XRCC4: variants seen among roughly 807,000 people sequenced by gnomAD.
XRCC4 encodes the protein X-ray repair cross complementing 4, also known as DNA repair protein XRCC4.
XRCC4 carries 28 observed loss-of-function variants against 39.1 expected under a neutral mutation model. That is an observed-to-expected ratio of 0.72 (90% CI 0.53 to 0.98). XRCC4 has a LOEUF of 0.98. Ranked by LOEUF, XRCC4 falls within the 50% of genes least tolerant of loss-of-function variation. The pLI is 0.00. For missense variants in XRCC4, 350 were observed against 376.4 expected (o/e 0.93, Z 0.58); for synonymous variants, 123 against 126.4 (o/e 0.97, Z 0.18).
chr5:83,349,331 T>G (rs1389104113), intron 7 of XRCC4, among the ~76,000 whole-genome samples: 1 of 152,000 alleles, frequency 6.6e-6, no homozygotes, highest in African/African-American at 2.4e-5. Context: ...ATATCAACAT[T>G]TTTGTGTTCT....
chr5:83,310,891 C>A (rs1292525322), intron 7 of XRCC4: 2 of 455,500 alleles, frequency 4.4e-6, no homozygotes, highest in Non-Finnish European at 8.8e-6. Flanking sequence ...GGAACGTGAG[C>A]CAACAGATCC....
In XRCC4 at chr5:83,133,692, C is replaced by G. The variant is rs1185483; in HGVS notation, c.315+22489C>G. Among the ~76,000 whole-genome samples, 354 of 152,318 alleles carry G rather than the reference C, an allele frequency of 2.3e-3. 1 individual carries two copies. Among genetic ancestry groups the G allele is most frequent in the Admixed American group, 5.4e-3 (83 of 15,292 alleles). ...TGGGCATGGGACTCTCCAAGCCAGG[C>G]GTGGGATATAATCTCCCAGTGTGCT... On this transcript the variant is annotated intron_variant, in intron 3 of 7. Transcript: ENST00000396027.
intron 6 of XRCC4, among the ~76,000 whole-genome samples, chr5:83,209,172 C>G (rs1236979467): frequency 6.6e-6 from 1 of 151,556 alleles, no homozygotes; most frequent in African/African-American, 2.4e-5. Context: ...AAACAGTCTT[C>G]CCTATAAGAA....
At chr5:83,273,443 A>T (rs1268222966) in intron 7 of XRCC4, among the ~76,000 whole-genome samples, 1 of 152,138 alleles carries the variant, frequency 6.6e-6, no homozygotes, top group Non-Finnish European at 1.5e-5. Flanking sequence ...CCATTCGTTA[A>T]TTTTGGCTTT....
intron 7 of XRCC4, among the ~76,000 whole-genome samples, chr5:83,262,931 G>A (rs1476479104): frequency 6.9e-6 from 1 of 144,960 alleles, no homozygotes; most frequent in East Asian, 2.1e-4. Flanking sequence ...CCATGCTGGT[G>A]CGCTGCACCC....
At chr5:83,100,366 A>G (rs1745873349) in intron 1 of XRCC4, among the ~76,000 whole-genome samples, 1 of 152,156 alleles carries the variant, frequency 6.6e-6, no homozygotes, top group African/African-American at 2.4e-5. Context: ...TCTTTTTAAC[A>G]TCATTGAGAT....
At chr5:83,273,534 T>A (rs773640056) in intron 7 of XRCC4, among the ~76,000 whole-genome samples, 2 of 152,166 alleles carry the variant, frequency 1.3e-5, no homozygotes, top group African/African-American at 2.4e-5. Flanking sequence ...TCTTCTAGGG[T>A]TTTTATAGTT....
intron 3 of XRCC4, among the ~76,000 whole-genome samples, chr5:83,190,813 C>T (rs1750661104): frequency 6.6e-6 from 1 of 152,104 alleles, no homozygotes; most frequent in Admixed American, 6.5e-5. Context: ...TAAAAAACAT[C>T]TGTTTAATTA....
intron 7 of XRCC4, among the ~76,000 whole-genome samples, chr5:83,338,214 TAATC>T (rs1580527646): frequency 6.6e-6 from 1 of 152,310 alleles, no homozygotes. Flanking sequence ...TAGAAAGTAA[TAATC>T]AATTTGCCTT....
chr5:83,329,082 T>C (rs1328531721), intron 7 of XRCC4, among the ~76,000 whole-genome samples: 1 of 152,018 alleles, frequency 6.6e-6, no homozygotes. Context: ...GCAAGTTGAT[T>C]TTTTATTTAA....
At chr5:83,328,971 T>C (rs1756352113) in intron 7 of XRCC4, among the ~76,000 whole-genome samples, 1 of 152,098 alleles carries the variant, frequency 6.6e-6, no homozygotes. Context: ...AGGGTCTCAT[T>C]ATGTTGCCCA....
At chr5:83,199,734 A>AT (rs922489137) in intron 4 of XRCC4, among the ~76,000 whole-genome samples, 1 of 150,930 alleles carries the variant, frequency 6.6e-6, no homozygotes, top group African/African-American at 2.4e-5. Context: ...AATATTCAGT[A>AT]TTTTTTTGTA....
intron 6 of XRCC4, among the ~76,000 whole-genome samples, chr5:83,224,101 G>A (rs1183347495): frequency 6.6e-6 from 1 of 151,838 alleles, no homozygotes; most frequent in East Asian, 1.9e-4. Context: ...TCTTTTAACT[G>A]GAGAATTTAG....
intron 4 of XRCC4, among the ~76,000 whole-genome samples, chr5:83,198,496 CA>C (rs1187630612): frequency 2.0e-5 from 3 of 151,366 alleles, no homozygotes; most frequent in African/African-American, 4.9e-5. Context: ...CCATTGTTTG[CA>C]AAAAAATATA....
chr5:83,247,761 G>A (rs1304164963), intron 6 of XRCC4, among the ~76,000 whole-genome samples: 1 of 152,124 alleles, frequency 6.6e-6, no homozygotes. Flanking sequence ...ACCATACTGA[G>A]TTATATGCAT....
intron 3 of XRCC4, among the ~76,000 whole-genome samples, chr5:83,123,332 A>T (rs1175986401): frequency 3.3e-5 from 5 of 151,984 alleles, no homozygotes; most frequent in African/African-American, 1.2e-4. Context: ...AATCTACTTT[A>T]TGCATGTTCT....
intron 6 of XRCC4, among the ~76,000 whole-genome samples, chr5:83,213,745 C>G (rs918534919): frequency 3.3e-5 from 5 of 152,026 alleles, no homozygotes; most frequent in South Asian, 2.1e-4. Context: ...CAAAGCCAGA[C>G]AAGACATTGC....
intron 3 of XRCC4, among the ~76,000 whole-genome samples, chr5:83,165,890 T>TC (rs1195677137): frequency 2.1e-5 from 1 of 46,960 alleles, no homozygotes; most frequent in Non-Finnish European, 4.3e-5. Context: ...TTTCTTTCTT[T>TC]TTTTTTTTTT....
chr5:83,305,793 C>G (rs1755462507), intron 7 of XRCC4, among the ~76,000 whole-genome samples: 1 of 152,104 alleles, frequency 6.6e-6, no homozygotes, highest in African/African-American at 2.4e-5. Flanking sequence ...GTAGCTAGAG[C>G]TTAATTATAC....
Sources: gnomAD v4.1 joint callset for allele counts (sites outside exome capture counted in the v4.1 genomes callset) on GRCh38, gnomAD v4.1.1 for gene constraint, MANE v1.5 for transcripts, NCBI Gene and HGNC (gene_info 2026-07-23, HGNC 2026-07-21) for gene names.